TRHDE: variants seen among roughly 807,000 people sequenced by gnomAD.
TRHDE encodes thyrotropin releasing hormone degrading enzyme, also known as thyrotropin-releasing hormone-degrading ectoenzyme.
Under a neutral mutation model 125.7 loss-of-function variants are expected in TRHDE, and 72 were observed. The observed-to-expected ratio is 0.57, with a 90% CI of 0.47 to 0.70. The LOEUF is 0.70. Among genes scored for constraint, TRHDE ranks in the 30% least tolerant of loss-of-function variants. The pLI is 0.00. For synonymous variants in TRHDE, 509 were observed against 509.1 expected (o/e 1.00, Z 0.00); for missense variants, 1,110 against 1,327.1 (o/e 0.84, Z 2.54).
intron 12 of TRHDE, among the ~76,000 whole-genome samples, chr12:72,585,888 T>G (rs1225637738): frequency 6.6e-6 from 1 of 152,176 alleles, no homozygotes; most frequent in African/African-American, 2.4e-5. Flanking sequence ...CTAAAGAAAT[T>G]TTTAAAATGA....
intron 9 of TRHDE, among the ~76,000 whole-genome samples, chr12:72,563,769 C>T (rs912708555): frequency 6.9e-6 from 1 of 145,828 alleles, no homozygotes; most frequent in Admixed American, 7.0e-5. Flanking sequence ...TTTAAGATGC[C>T]CTAGTAAGAC....
chr12:72,152,211 G>A (rs1288100978), intron 2 of TRHDE, among the ~76,000 whole-genome samples: 1 of 150,870 alleles, frequency 6.6e-6, no homozygotes, highest in Non-Finnish European at 1.5e-5. Flanking sequence ...TGTTATTGGT[G>A]TATAAGAATG....
At chr12:72,097,426 CATTTTCTCACTGAAT>C (rs1874953008) in intron 1 of TRHDE, among the ~76,000 whole-genome samples, 1 of 61,800 alleles carries the variant, frequency 1.6e-5, no homozygotes, top group Admixed American at 1.6e-4. Context: ...CTTGCAGTAG[CATTTTCTCACTGAAT>C]TTTTTTTTTT....
chr12:72,554,001 C>T (rs1353581081), intron 7 of TRHDE, among the ~76,000 whole-genome samples: 1 of 151,916 alleles, frequency 6.6e-6, no homozygotes, highest in Non-Finnish European at 1.5e-5. Context: ...GTGGCTGCCA[C>T]CTCACCTGGC....
intron 2 of TRHDE, among the ~76,000 whole-genome samples, chr12:72,201,002 T>C (rs974821051): frequency 6.6e-6 from 1 of 152,102 alleles, no homozygotes; most frequent in Admixed American, 6.5e-5. Flanking sequence ...CTAATAGAGG[T>C]AGCAGCAGGT....
At chr12:72,369,586 A>G (rs1871484425) in intron 2 of TRHDE, among the ~76,000 whole-genome samples, 1 of 152,156 alleles carries the variant, frequency 6.6e-6, no homozygotes, top group Non-Finnish European at 1.5e-5. Context: ...TCTCAGACGT[A>G]ATATAATAAA....
intron 12 of TRHDE, among the ~76,000 whole-genome samples, chr12:72,587,527 A>AAGAT (rs1304611326): frequency 6.6e-6 from 1 of 152,128 alleles, no homozygotes; most frequent in East Asian, 1.9e-4. Flanking sequence ...ATGGATAACA[A>AAGAT]AGATAGAGCC....
intron 1 of TRHDE, among the ~76,000 whole-genome samples, chr12:72,277,626 C>A (rs1358961791): frequency 6.6e-6 from 1 of 151,964 alleles, no homozygotes; most frequent in African/African-American, 2.4e-5. Flanking sequence ...GAGTTCAGTG[C>A]TGGATTTTGA....
At chr12:72,525,601 T>TG (rs1868317196) in intron 6 of TRHDE, among the ~76,000 whole-genome samples, 2 of 127,714 alleles carry the variant, frequency 1.6e-5, no homozygotes, top group African/African-American at 3.2e-5. Flanking sequence ...TGTGTGTGGT[T>TG]TGTGTGTGTG....
At position 72,420,013 on chromosome 12, in the gene TRHDE, A is replaced by G. The variant is rs185068842; in HGVS notation, c.1315+41892A>G. On this transcript the variant is annotated intron_variant, in intron 3 of 18. Transcript: ENST00000261180. Reference sequence around the variant, plus strand: ...AACTGTAGTCAACAAATAAATAAAAACACGTGAAATTTTACAATACATTAT... The same window carrying G: ...AACTGTAGTCAACAAATAAATAAAAGCACGTGAAATTTTACAATACATTAT... Among the ~76,000 whole-genome samples the G allele has an allele frequency of 2.2e-3, 336 of 152,288 alleles. 1 individual carries two copies. Among genetic ancestry groups the G allele is most frequent in the Non-Finnish European group, 3.2e-3 (216 of 68,014 alleles).
intron 2 of TRHDE, among the ~76,000 whole-genome samples, chr12:72,166,328 C>T (rs1367597191): frequency 2.0e-5 from 3 of 152,052 alleles, no homozygotes; most frequent in Non-Finnish European, 4.4e-5. Context: ...TACACACACA[C>T]ACATATACAC....
intron 2 of TRHDE, among the ~76,000 whole-genome samples, chr12:72,239,542 T>C (rs1006872001): frequency 6.6e-6 from 1 of 152,164 alleles, no homozygotes; most frequent in African/African-American, 2.4e-5. Context: ...TGATAGATTT[T>C]AAAGGTAAAA....
intron 3 of TRHDE, among the ~76,000 whole-genome samples, chr12:72,385,317 A>G (rs530683066): frequency 6.6e-6 from 1 of 152,188 alleles, no homozygotes; most frequent in Admixed American, 6.5e-5. Flanking sequence ...TCTGTGGGTT[A>G]GCATTATTAG....
At chr12:72,249,278 T>C (rs533701613) in intron 2 of TRHDE, among the ~76,000 whole-genome samples, 23 of 152,332 alleles carry the variant, frequency 1.5e-4, no homozygotes, top group Non-Finnish European at 3.1e-4. Context: ...GGGAGGTAAT[T>C]TTTAATAATC....
At chr12:72,651,506 A>G (rs1050439372) in intron 15 of TRHDE, among the ~76,000 whole-genome samples, 3 of 152,096 alleles carry the variant, frequency 2.0e-5, no homozygotes, top group Non-Finnish European at 4.4e-5. Context: ...ATGTTGAAAA[A>G]AAGCAAAATT....
chr12:72,345,502 A>C (rs931092442), intron 2 of TRHDE, among the ~76,000 whole-genome samples: 1 of 152,168 alleles, frequency 6.6e-6, no homozygotes, highest in African/African-American at 2.4e-5. Flanking sequence ...TTTAAATGCT[A>C]ATTACCTTTG....
intron 2 of TRHDE, among the ~76,000 whole-genome samples, chr12:72,148,975 G>A (rs533302935): frequency 2.0e-5 from 3 of 152,192 alleles, no homozygotes; most frequent in African/African-American, 7.2e-5. Flanking sequence ...CACAAGAATG[G>A]CTTCACTCAA....
At chr12:72,441,362 T>G (rs1565742643) in intron 3 of TRHDE, among the ~76,000 whole-genome samples, 1 of 151,884 alleles carries the variant, frequency 6.6e-6, no homozygotes, top group Non-Finnish European at 1.5e-5. Context: ...TAATAACTTT[T>G]CAGTTTTCCC....
chr12:72,489,956 C>G (rs1427163955), intron 5 of TRHDE, among the ~76,000 whole-genome samples: 1 of 151,616 alleles, frequency 6.6e-6, no homozygotes, highest in Non-Finnish European at 1.5e-5. Flanking sequence ...GTGTGATGCA[C>G]CAAAAGCTCA....
Sources: allele counts gnomAD v4.1 joint callset (sites outside exome capture counted in the v4.1 genomes callset), GRCh38; gene constraint gnomAD v4.1.1; transcripts MANE v1.5; gene names NCBI Gene and HGNC (gene_info 2026-07-23, HGNC 2026-07-21).